The following ARHGEF10L variants were observed in gnomAD, a reference collection of about 807,000 sequenced individuals.
ARHGEF10L encodes Rho guanine nucleotide exchange factor 10 like.
A neutral mutation model predicts 141.2 loss-of-function variants in ARHGEF10L; 69 were observed. The ratio of observed to expected loss-of-function variants is 0.49; its 90% CI spans 0.40 to 0.60. The LOEUF is 0.60. Among genes scored for constraint, ARHGEF10L ranks in the 20% least tolerant of loss-of-function variants. The probability of loss-of-function intolerance (pLI) is 0.00; values close to 1 mark genes in which losing one functional copy is unlikely to be tolerated. For missense variants in ARHGEF10L, 1,482 were observed against 1,734.3 expected (o/e 0.85, Z 2.58); for synonymous variants, 711 against 718.5 (o/e 0.99, Z 0.17).
intron 27 of ARHGEF10L, chr1:17,694,845 G>T (rs2065371075): frequency 4.5e-5 from 23 of 513,694 alleles, no homozygotes; most frequent in South Asian, 3.7e-4. Flanking sequence ...GGATGACCTG[G>T]CCGCCGTGTA....
rs567979817 is a variant in ARHGEF10L, at chr1:17,619,282, T to C, written c.836-57T>C. On this transcript the variant is annotated intron_variant, in intron 9 of 28. Coordinates refer to ENST00000361221, the MANE Select transcript of ARHGEF10L (RefSeq NM_018125.4). The surrounding 1 kb of genome is among the most constrained non-coding windows in gnomAD (Gnocchi z 5.0). ...AGGGGGGCTCTCAGCTCCTGAGGCC[T>C]GAGCAGGGTGTGCTGTCCCTGCCTT... 1 of 1,524,652 alleles carries C rather than the reference T, an allele frequency of 6.6e-7. No homozygotes were observed. Among genetic ancestry groups the C allele is most frequent in the Non-Finnish European group, 9.0e-7 (1 of 1,108,048 alleles). 94.4% of individuals were successfully genotyped at this position (1,524,652 alleles called of 1,614,324 possible).
At chr1:17,563,487 G>A (rs1174887915) in intron 1 of ARHGEF10L, among the ~76,000 whole-genome samples, 1 of 152,032 alleles carries the variant, frequency 6.6e-6, no homozygotes, top group Admixed American at 6.5e-5. Flanking sequence ...TGCCTGTCTC[G>A]GCCTCCCAAA....
chr1:17,689,469 C>G (rs1485604103), intron 27 of ARHGEF10L, among the ~76,000 whole-genome samples: 2 of 41,918 alleles, frequency 4.8e-5, no homozygotes, highest in African/African-American at 2.2e-4. Context: ...CTCCCTCCCT[C>G]CCTGCCTCCT....
At chr1:17,632,174 AC>A in intron 15 of ARHGEF10L, 146 bp from the exon 16 acceptor site, 1 of 986,550 alleles carries the variant, frequency 1.0e-6, no homozygotes, top group Admixed American at 2.0e-5. Context: ...GCATCTTGTC[AC>A]CCAGGGATGG....
rs1407994161 is a variant in ARHGEF10L, at chr1:17,625,088, G to A, written c.1317+585G>A. Among the ~76,000 whole-genome samples the A allele has an allele frequency of 6.6e-6, 1 of 152,224 alleles. No homozygotes were observed. Among genetic ancestry groups the A allele is most frequent in the Non-Finnish European group, 1.5e-5 (1 of 68,044 alleles). Reference sequence around the variant, plus strand: ...CAGGACACGCACACATGTGCCGGCAGCACAGGTTAGATGCCACGGCCTCAG... The same window carrying A: ...CAGGACACGCACACATGTGCCGGCAACACAGGTTAGATGCCACGGCCTCAG... On this transcript the variant is annotated intron_variant, in intron 13 of 28. Coordinates refer to ENST00000361221, the MANE Select transcript of ARHGEF10L (RefSeq NM_018125.4). The surrounding 1 kb of genome is among the most constrained non-coding windows in gnomAD (Gnocchi z 4.5).
chr1:17,650,732 CAAAAAAAAA>C (rs71575854), intron 22 of ARHGEF10L, among the ~76,000 whole-genome samples: 2 of 77,910 alleles, frequency 2.6e-5, no homozygotes, highest in Non-Finnish European at 5.0e-5. Context: ...GACCCTGTCT[CAAAAAAAAA>C]AAAAAAAAAA....
intron 2 of ARHGEF10L, among the ~76,000 whole-genome samples, chr1:17,585,129 CT>C (rs1484700689): frequency 6.6e-6 from 1 of 152,170 alleles, no homozygotes; most frequent in Non-Finnish European, 1.5e-5. Context: ...AAATACAATG[CT>C]GATTGGGAAT....
intron 16 of ARHGEF10L, among the ~76,000 whole-genome samples, chr1:17,633,010 G>A (rs2060791965): frequency 6.6e-6 from 1 of 152,226 alleles, no homozygotes; most frequent in South Asian, 2.1e-4. Flanking sequence ...GTGAGGGTGA[G>A]GCTTTAGGCC....
chr1:17,627,610 G>T lies in ARHGEF10L; in HGVS notation c.1584+107G>T. On this transcript the variant is annotated intron_variant, in intron 15 of 28. Coordinates refer to ENST00000361221, the MANE Select transcript of ARHGEF10L (RefSeq NM_018125.4). The surrounding 1 kb of genome is among the most constrained non-coding windows in gnomAD (Gnocchi z 4.0). ...CACACTAGGTGGCAGTGTTCTCTGA[G>T]GGAGGGGAGGCCTTGCTCTTCCAAG... 7.3e-7 allele frequency: 1 copy of T among 1,367,110 alleles called. No homozygotes were observed. The highest frequency in any genetic ancestry group is 1.4e-5 in the South Asian group (1 of 70,764). The allele number at this position is 1,367,110 out of a possible 1,614,324, so 84.7% of individuals were successfully genotyped here.
At chr1:17,564,848 A>G (rs1007563161) in intron 1 of ARHGEF10L, among the ~76,000 whole-genome samples, 7 of 152,156 alleles carry the variant, frequency 4.6e-5, no homozygotes, top group African/African-American at 1.7e-4. Flanking sequence ...ACATTGGGCA[A>G]CCCAAGGAGC....
chr1:17,546,308 T>C (rs953989714), intron 1 of ARHGEF10L, among the ~76,000 whole-genome samples: 1 of 152,180 alleles, frequency 6.6e-6, no homozygotes, highest in Non-Finnish European at 1.5e-5. Context: ...CTCCCCCCAT[T>C]GCTAATTGAT....
chr1:17,689,906 C>T (rs951398392), intron 27 of ARHGEF10L: 5 of 454,292 alleles, frequency 1.1e-5, no homozygotes, highest in African/African-American at 1.0e-4. Context: ...TTAGAACAGC[C>T]ACTCCTGCCT....
At chr1:17,613,399 CCCA>C (rs1201538944) in intron 8 of ARHGEF10L, among the ~76,000 whole-genome samples, 2 of 152,178 alleles carry the variant, frequency 1.3e-5, no homozygotes, top group African/African-American at 4.8e-5. Flanking sequence ...TATCTTTCTC[CCCA>C]CCTGCAAGTG....
At chr1:17,617,808 A>C (rs1011331812) in intron 9 of ARHGEF10L, among the ~76,000 whole-genome samples, 4 of 150,688 alleles carry the variant, frequency 2.7e-5, no homozygotes, top group African/African-American at 9.8e-5. Context: ...GGAGAGAGAG[A>C]GCCCCATGTA....
chr1:17,522,997 G>A, the ARHGEF10L span, among the ~76,000 whole-genome samples: 1 of 152,080 alleles, frequency 6.6e-6, no homozygotes, highest in South Asian at 2.1e-4. Context: ...TCGGGAAGCT[G>A]AGATGGAAGG....
chr1:17,622,132 G>A (rs755700856), intron 11 of ARHGEF10L, among the ~76,000 whole-genome samples, 191 bp downstream of exon 11: 2 of 152,130 alleles, frequency 1.3e-5, no homozygotes, highest in African/African-American at 2.4e-5. Context: ...TGGTGTTCAC[G>A]GGAGTGACTT....
At chr1:17,588,546 T>C in intron 4 of ARHGEF10L, 67 bp downstream of exon 4, 1 of 1,601,156 alleles carries the variant, frequency 6.2e-7, no homozygotes, top group South Asian at 1.1e-5. Flanking sequence ...TGGGTGGGGA[T>C]GGGGTGGAGC....
chr1:17,528,721 C>T, the ARHGEF10L span, among the ~76,000 whole-genome samples: 3 of 152,208 alleles, frequency 2.0e-5, no homozygotes, highest in African/African-American at 4.8e-5. Context: ...GCACTGGATA[C>T]ATGATCCTGC....
chr1:17,569,209 G>T (rs2077888933), intron 1 of ARHGEF10L, among the ~76,000 whole-genome samples: 1 of 151,994 alleles, frequency 6.6e-6, no homozygotes, highest in Admixed American at 6.5e-5. Context: ...GGAGGCACCA[G>T]GCATCCCCTG....
Sources: gnomAD v4.1 joint callset for allele counts (sites outside exome capture counted in the v4.1 genomes callset) on GRCh38, gnomAD v4.1.1 for gene constraint, Gnocchi (gnomAD v3.1) non-coding constraint, MANE v1.5 for transcripts, NCBI Gene and HGNC (gene_info 2026-07-23, HGNC 2026-07-21) for gene names.